The following COL25A1 variants were observed in gnomAD, a reference collection of about 807,000 sequenced individuals.
COL25A1 encodes collagen alpha-1(XXV) chain.
A neutral mutation model predicts 128.4 loss-of-function variants in COL25A1; 103 were observed. That is an observed-to-expected ratio of 0.80 (90% CI 0.68 to 0.94). The LOEUF is 0.94. Among genes scored for constraint, COL25A1 ranks in the 40% least tolerant of loss-of-function variants. COL25A1 has a pLI of 0.00. For synonymous variants in COL25A1, 279 were observed against 277.2 expected (o/e 1.01, Z -0.06); for missense variants, 745 against 840.0 (o/e 0.89, Z 1.40).
chr4:108,826,022 C>T (rs896450038), intron 33 of COL25A1, among the ~76,000 whole-genome samples: 5 of 152,118 alleles, frequency 3.3e-5, no homozygotes, highest in African/African-American at 1.2e-4. Context: ...AAACCTATTT[C>T]AAAATCAGCA....
In COL25A1 at chr4:109,302,173, G is replaced by GC; in HGVS notation, c.-62dup. ...AGCCCACGAGCGGATACGGACCCCT[G>GC]CCTTGCTCAGCGTCCAGACCCGCAG... On this transcript the variant is annotated 5_prime_UTR_variant, in exon 1 of 38. Transcript: ENST00000399132. 1.0e-6 allele frequency: 1 copy of GC among 953,680 alleles called. No homozygotes were observed. The highest frequency in any genetic ancestry group is 2.7e-5 in the East Asian group (1 of 37,498). 59.1% of individuals were successfully genotyped at this position (953,680 alleles called of 1,614,324 possible). A position where few individuals can be genotyped will look rare whatever the true frequency, so the allele number is the denominator to read the frequency against.
intron 6 of COL25A1, among the ~76,000 whole-genome samples, chr4:108,975,274 G>T (rs1182775294): frequency 1.3e-5 from 2 of 152,194 alleles, no homozygotes; most frequent in Non-Finnish European, 2.9e-5. Flanking sequence ...GGCCAACATG[G>T]TTGAAACCAC....
intron 5 of COL25A1, among the ~76,000 whole-genome samples, chr4:109,019,339 TAC>T (rs10633719): frequency 2.9e-5 from 1 of 34,388 alleles, no homozygotes; most frequent in East Asian, 1.7e-3. Context: ...CATGTGTGTA[TAC>T]ACACACATAC....
chr4:109,069,181 G>A (rs1239430764), intron 3 of COL25A1, among the ~76,000 whole-genome samples: 2 of 150,782 alleles, frequency 1.3e-5, no homozygotes, highest in African/African-American at 4.9e-5. Context: ...CAAAAAAAAG[G>A]CAATTTAAAA....
At chr4:108,845,914 A>G (rs9995863) in intron 28 of COL25A1, among the ~76,000 whole-genome samples, 6,038 of 152,284 alleles carry the variant, frequency 0.04, 398 homozygotes, top group African/African-American at 0.14. Context: ...AAAACAATTC[A>G]GGAAAACATG....
intron 6 of COL25A1, 95 bp downstream of exon 6, chr4:109,010,263 T>C (rs1036473043): frequency 3.9e-6 from 4 of 1,019,758 alleles, no homozygotes; most frequent in Middle Eastern, 2.2e-4. Flanking sequence ...TATCAGTTCA[T>C]AGCTTTTTTA....
chr4:109,145,302 C>T (rs1339462724), intron 3 of COL25A1, among the ~76,000 whole-genome samples: 2 of 151,924 alleles, frequency 1.3e-5, no homozygotes, highest in East Asian at 1.9e-4. Context: ...CTCCTGACCT[C>T]GTGATCTGCC....
intron 3 of COL25A1, among the ~76,000 whole-genome samples, chr4:109,127,369 G>A (rs149901707): frequency 8.1e-4 from 122 of 149,808 alleles, no homozygotes; most frequent in African/African-American, 2.8e-3. Context: ...AGTTGCAACA[G>A]TATGCAACAG....
intron 19 of COL25A1, among the ~76,000 whole-genome samples, chr4:108,877,921 T>C (rs1170320356): frequency 6.6e-6 from 1 of 152,216 alleles, no homozygotes; most frequent in Admixed American, 6.5e-5. Flanking sequence ...TTATTTTATC[T>C]TCTAAAATGG....
intron 15 of COL25A1, 108 bp downstream of exon 15, chr4:108,899,046 C>T (rs6853372): frequency 0.54 from 411,479 of 763,796 alleles, 131,811 homozygotes; most frequent in East Asian, 0.94. Flanking sequence ...TACCCACCCA[C>T]CCATCCATCC....
At chr4:108,977,371 C>A (rs1400231973) in intron 6 of COL25A1, among the ~76,000 whole-genome samples, 1 of 152,140 alleles carries the variant, frequency 6.6e-6, no homozygotes, top group Non-Finnish European at 1.5e-5. Context: ...AAATTTTTAA[C>A]ATTTTTATTA....
At chr4:109,251,263 C>T (rs1780628472) in intron 3 of COL25A1, among the ~76,000 whole-genome samples, 1 of 152,202 alleles carries the variant, frequency 6.6e-6, no homozygotes, top group Admixed American at 6.5e-5. Context: ...GTATTGATAA[C>T]TACCTTCTTC....
chr4:109,013,480 C>T (rs1756870059), intron 5 of COL25A1, among the ~76,000 whole-genome samples: 1 of 53,262 alleles, frequency 1.9e-5, no homozygotes, highest in African/African-American at 1.9e-4. Flanking sequence ...GCTCGAGTCC[C>T]CTTCCACACT....
chr4:109,170,816 C>T (rs139362938), intron 3 of COL25A1, among the ~76,000 whole-genome samples: 6 of 152,182 alleles, frequency 3.9e-5, no homozygotes, highest in East Asian at 1.9e-4. Context: ...CCCTCAATCC[C>T]GTTGTCCAGG....
chr4:108,818,273 T>G (rs1057500587), intron 36 of COL25A1, among the ~76,000 whole-genome samples: 4 of 152,142 alleles, frequency 2.6e-5, no homozygotes, highest in Non-Finnish European at 4.4e-5. Context: ...TTTCTAACTA[T>G]AATCACTGAC....
chr4:109,017,240 C>T (rs1440837270), intron 5 of COL25A1, among the ~76,000 whole-genome samples: 1 of 152,244 alleles, frequency 6.6e-6, no homozygotes, highest in African/African-American at 2.4e-5. Flanking sequence ...GTCAGTGTAC[C>T]TGGCTGTGTG....
In COL25A1 at chr4:108,872,608, C is replaced by T. The variant is rs75024929; in HGVS notation, c.1021-3458G>A. ...GCCAGTTTTTCTTCATATACTTCAA[C>T]GAAAACAACAAACTGAATGCAGAAG... On this transcript the variant is annotated intron_variant, in intron 19 of 37. Coordinates refer to ENST00000399132, the MANE Select transcript of COL25A1 (RefSeq NM_198721.4). 1.8e-3 allele frequency among the ~76,000 whole-genome samples: 274 copies of T among 151,998 alleles called. 2 individuals carry two copies. Among genetic ancestry groups the T allele is most frequent in the African/African-American group, 6.1e-3 (251 of 41,468 alleles).
intron 37 of COL25A1, among the ~76,000 whole-genome samples, chr4:108,816,380 G>T (rs975461659): frequency 2.6e-5 from 4 of 152,148 alleles, no homozygotes; most frequent in Non-Finnish European, 5.9e-5. Flanking sequence ...AATGAAGCAT[G>T]CCTGTCCAAA....
chr4:109,178,432 C>G (rs1338744949), intron 3 of COL25A1, among the ~76,000 whole-genome samples: 1 of 152,002 alleles, frequency 6.6e-6, no homozygotes, highest in Non-Finnish European at 1.5e-5. Flanking sequence ...AAATGTGGAG[C>G]CAAATAATTT....
Sources: gnomAD v4.1 joint callset for allele counts (sites outside exome capture counted in the v4.1 genomes callset) on GRCh38, gnomAD v4.1.1 for gene constraint, MANE v1.5 for transcripts, NCBI Gene and HGNC (gene_info 2026-07-23, HGNC 2026-07-21) for gene names.